Variants in KBTBD2 observed in about 807,000 individuals in gnomAD.
KBTBD2 encodes the protein kelch repeat and BTB domain containing 2.
In KBTBD2, 17 loss-of-function variants were observed where a neutral mutation model predicts 57.1. That is an observed-to-expected ratio of 0.30 (90% confidence interval 0.20 to 0.45). The LOEUF is 0.45. Ranked by LOEUF, KBTBD2 falls within the 20% of genes least tolerant of loss-of-function variation. KBTBD2 has a pLI of 1.00. For missense variants in KBTBD2, 515 were observed against 750.6 expected (o/e 0.69, Z 3.67); for synonymous variants, 267 against 262.7 (o/e 1.02, Z -0.16).
chr7:32,890,696 T>TCA (rs1290733278), intron 1 of KBTBD2, among the ~76,000 whole-genome samples: 3 of 152,166 alleles, frequency 2.0e-5, no homozygotes, highest in Non-Finnish European at 4.4e-5. Flanking sequence ...AGAAGATAGT[T>TCA]CACACACACA....
rs1388621994 is a variant in KBTBD2 at position 32,884,923 on chromosome 7, CTTTA to C, written c.-338-4985_-338-4982del. 5.4e-5 allele frequency among the ~76,000 whole-genome samples: 8 copies of C among 146,990 alleles called. No individual in the cohort carries two copies. In the East Asian group the frequency reaches 1.6e-3, roughly 29 times the overall value. On this transcript the variant is annotated intron_variant, in intron 1 of 3. Coordinates refer to ENST00000304056, the MANE Select transcript of KBTBD2 (RefSeq NM_015483.3). Reference sequence around the variant, plus strand: ...TACAGGCCACATTTACCAAACGCTGCTTTATTTTTAAAAATTTATATTTCTTTTA... The same window carrying C: ...TACAGGCCACATTTACCAAACGCTGCTTTTTAAAAATTTATATTTCTTTTA...
At position 32,891,633 on chromosome 7, in the gene KBTBD2, C is replaced by T. The variant is rs1272889021; in HGVS notation, c.-436G>A. The T allele has an allele frequency of 2.0e-5, 3 of 150,684 alleles. No individual in the cohort carries two copies. The highest frequency in any genetic ancestry group is 6.6e-5 in the Admixed American group (1 of 15,198). The allele number at this position is 150,684 out of a possible 1,614,324, so 9.3% of individuals were successfully genotyped here. On this transcript the variant is annotated 5_prime_UTR_variant, in exon 1 of 4. Transcript: ENST00000304056. ...CGGCGGCGGGGGCGTGGCCCTCCCG[C>T]CGCGGCCTCGCCTGGGGTCTCGCCT...
At chr7:32,875,211 T>A in intron 2 of KBTBD2, 54 bp from the exon 3 acceptor site, 1 of 1,474,662 alleles carries the variant, frequency 6.8e-7, no homozygotes, top group South Asian at 1.2e-5. Flanking sequence ...AAAACAAATG[T>A]AGAGCTGAAA....
intron 1 of KBTBD2, among the ~76,000 whole-genome samples, 178 bp from the exon 2 acceptor site, chr7:32,880,120 C>A (rs954181511): frequency 6.6e-6 from 1 of 151,998 alleles, no homozygotes; most frequent in African/African-American, 2.4e-5. Flanking sequence ...AATTAAAAAA[C>A]AAGAAAATTA....
chr7:32,880,801 A>G (rs1288913686), intron 1 of KBTBD2, among the ~76,000 whole-genome samples: 1 of 152,204 alleles, frequency 6.6e-6, no homozygotes, highest in Non-Finnish European at 1.5e-5. Context: ...CCAAGTACAC[A>G]TAAGAAACCA....
chr7:32,892,166 A>C (rs1413800763), upstream of KBTBD2: 2 of 152,308 alleles, frequency 1.3e-5, no homozygotes, highest in East Asian at 3.9e-4. Context: ...GGCGCGAAAG[A>C]GGAAACGGAA....
At chr7:32,884,791 A>G (rs1198005747) in intron 1 of KBTBD2, among the ~76,000 whole-genome samples, 2 of 152,030 alleles carry the variant, frequency 1.3e-5, no homozygotes, top group African/African-American at 2.4e-5. Flanking sequence ...TTTGGGAGCC[A>G]TAAGGTCTCT....
At chr7:32,874,403 AAAATAAATAAATAAAAAT>A (rs1740580337) in intron 3 of KBTBD2, 1 of 151,716 alleles carries the variant, frequency 6.6e-6, no homozygotes, top group Admixed American at 6.6e-5. Flanking sequence ...CCGTCTCAAA[AAAATAAATAAATAAAAAT>A]AAATAAATAA....
At chr7:32,886,642 T>C (rs1364691589) in intron 1 of KBTBD2, among the ~76,000 whole-genome samples, 1 of 152,202 alleles carries the variant, frequency 6.6e-6, no homozygotes, top group Non-Finnish European at 1.5e-5. Context: ...GACAACTGTG[T>C]TTCTATGCAA....
Position 32,890,536 on chromosome 7 carries a change from G to A in KBTBD2, c.-339+1000C>T, listed in dbSNP as rs1465418862. ...AAGATCCCTGTTAATTAGTTGCCTCGATAAAAGAAAATATCATTTTGGTCA... is the reference window on the plus strand; with the variant it reads ...AAGATCCCTGTTAATTAGTTGCCTCAATAAAAGAAAATATCATTTTGGTCA... On this transcript the variant is annotated intron_variant, in intron 1 of 3. Transcript: ENST00000304056. Among the ~76,000 whole-genome samples the A allele has an allele frequency of 2.6e-5, 4 of 152,250 alleles. No homozygotes were observed. In the East Asian group the frequency reaches 7.7e-4, roughly 29 times the overall value.
chr7:32,889,439 A>T (rs751190707), intron 1 of KBTBD2, among the ~76,000 whole-genome samples: 5 of 152,100 alleles, frequency 3.3e-5, no homozygotes, highest in Non-Finnish European at 7.4e-5. Flanking sequence ...CATCTCTACT[A>T]AAAATACAAA....
At chr7:32,881,920 T>G (rs751493830) in intron 1 of KBTBD2, among the ~76,000 whole-genome samples, 9 of 152,222 alleles carry the variant, frequency 5.9e-5, no homozygotes, top group African/African-American at 2.2e-4. Flanking sequence ...TTGTGACACA[T>G]GTACCCTACA....
chr7:32,887,002 T>C (rs1307069097), intron 1 of KBTBD2, among the ~76,000 whole-genome samples: 1 of 152,182 alleles, frequency 6.6e-6, no homozygotes, highest in African/African-American at 2.4e-5. Context: ...TAATTTCACT[T>C]TGAAATCAAG....
rs965478932 is a variant in KBTBD2 at position 32,891,699 on chromosome 7, T to G, written c.-502A>C. 2.0e-5 allele frequency: 3 copies of G among 151,006 alleles called. No individual in the cohort carries two copies. The highest frequency in any genetic ancestry group is 7.3e-5 in the African/African-American group (3 of 41,082). The allele number at this position is 151,006 out of a possible 1,614,324, so 9.4% of individuals were successfully genotyped here. A position where few individuals can be genotyped will look rare whatever the true frequency, so the allele number is the denominator to read the frequency against. On this transcript the variant is annotated 5_prime_UTR_variant, in exon 1 of 4. Transcript: ENST00000304056. ...GAAGGCTGGCGCCGCCGCCTCTTCCTTCCGGTTTCCCCTCGCACCCTCCCT... is the reference window on the plus strand; with the variant it reads ...GAAGGCTGGCGCCGCCGCCTCTTCCGTCCGGTTTCCCCTCGCACCCTCCCT...
intron 1 of KBTBD2, among the ~76,000 whole-genome samples, chr7:32,890,167 G>A (rs1043301804): frequency 3.3e-5 from 5 of 152,188 alleles, no homozygotes; most frequent in African/African-American, 7.2e-5. Flanking sequence ...ATGCTCAACA[G>A]AAAGGCCACA....
chr7:32,891,890 GCCCCCGCCC>G (rs1274967629), upstream of KBTBD2: 2 of 28,906 alleles, frequency 6.9e-5, no homozygotes, highest in African/African-American at 2.5e-4. Flanking sequence ...CGCCCCCGCC[GCCCCCGCCC>G]CCGCCCCCGC....
At chr7:32,872,462 C>T (rs1784205136) in intron 3 of KBTBD2, among the ~76,000 whole-genome samples, 1 of 151,972 alleles carries the variant, frequency 6.6e-6, no homozygotes, top group Admixed American at 6.6e-5. Flanking sequence ...AGAGGAGTGC[C>T]TGAGCTCAAG....
rs1784082031 is a variant in KBTBD2 at position 32,868,539 on chromosome 7, G to A, written c.*806C>T. 1 of 152,628 alleles carries A rather than the reference G, an allele frequency of 6.6e-6. No individual in the cohort carries two copies. The highest frequency in any genetic ancestry group is 2.4e-5 in the African/African-American group (1 of 41,442). 9.5% of individuals were successfully genotyped at this position (152,628 alleles called of 1,614,324 possible). A position where few individuals can be genotyped will look rare whatever the true frequency, so the allele number is the denominator to read the frequency against. On this transcript the variant is annotated 3_prime_UTR_variant, in exon 4 of 4. Transcript: ENST00000304056. The stretch of plus-strand genomic sequence containing the variant: ...TGGTTAACCCACTCTAAATCTTGAA[G>A]ATGGAGAACTACATCAGCAGCAGAT...
At chr7:32,890,074 G>C (rs1784691755) in intron 1 of KBTBD2, among the ~76,000 whole-genome samples, 1 of 127,824 alleles carries the variant, frequency 7.8e-6, no homozygotes. Flanking sequence ...AAAAAGGGGA[G>C]TAGAGTTACA....
Sources: allele counts gnomAD v4.1 joint callset (sites outside exome capture counted in the v4.1 genomes callset), GRCh38; gene constraint gnomAD v4.1.1; transcripts MANE v1.5; gene names NCBI Gene and HGNC (gene_info 2026-07-23, HGNC 2026-07-21).